Variants in APP observed in about 807,000 individuals in gnomAD.
The protein encoded by APP is amyloid-beta precursor protein.
In APP, 31 loss-of-function variants were observed where a neutral mutation model predicts 101.4. That is an observed-to-expected ratio of 0.31 (90% CI 0.23 to 0.41). APP has a LOEUF of 0.41. APP is among the 10% of genes least tolerant of loss of function. The pLI, the probability that APP is intolerant of heterozygous loss-of-function variation, is 1.00. For missense variants in APP, 839 were observed against 1,003.7 expected (o/e 0.84, Z 2.22); for synonymous variants, 366 against 364.4 (o/e 1.00, Z -0.05).
At chr21:26,089,819 A>C in intron 3 of APP, 124 bp downstream of exon 3, 1 of 1,453,818 alleles carries the variant, frequency 6.9e-7, no homozygotes, top group South Asian at 1.2e-5. Flanking sequence ...AAAACACAGT[A>C]CAACACAGAG....
intron 14 of APP, among the ~76,000 whole-genome samples, chr21:25,906,235 C>T (rs187336860): frequency 5.3e-5 from 8 of 152,272 alleles, no homozygotes; most frequent in Non-Finnish European, 1.2e-4. Context: ...AAAATATTTC[C>T]GGGAGCACTA....
chr21:25,989,675 T>C (rs1227325389), intron 8 of APP, among the ~76,000 whole-genome samples: 1 of 152,194 alleles, frequency 6.6e-6, no homozygotes, highest in Non-Finnish European at 1.5e-5. Context: ...TCTACAGCCT[T>C]GGTAACAGAA....
chr21:25,899,473 T>G (rs1157147465), intron 15 of APP, among the ~76,000 whole-genome samples: 1 of 152,156 alleles, frequency 6.6e-6, no homozygotes, highest in Admixed American at 6.6e-5. Context: ...AAAACTTCCT[T>G]AATCTCTTTC....
At chr21:26,073,776 G>A (rs2061451797) in intron 3 of APP, among the ~76,000 whole-genome samples, 1 of 152,220 alleles carries the variant, frequency 6.6e-6, no homozygotes, top group South Asian at 2.1e-4. Flanking sequence ...TGTGTGCACA[G>A]ATGCCCAGGA....
intron 1 of APP, among the ~76,000 whole-genome samples, chr21:26,154,056 C>A (rs951063444): frequency 3.3e-5 from 5 of 152,200 alleles, no homozygotes; most frequent in Admixed American, 1.3e-4. Flanking sequence ...AAGCTTTCCA[C>A]ATTTGCTTAC....
chr21:26,163,017 C>T lies in APP; in HGVS notation c.57+7547G>A, dbSNP rs2063525325. 2.0e-5 allele frequency among the ~76,000 whole-genome samples: 3 copies of T among 147,158 alleles called. No individual in the cohort carries two copies. The Admixed American group carries it at 2.0e-4, about 10-fold the overall frequency. On this transcript the variant is annotated intron_variant, in intron 1 of 17. Transcript: ENST00000346798. ...CCTAGGTGGGTGGATCACTTGAAGT[C>T]AGGAGTTCGAGACCACCCTGGCCAA...
intron 11 of APP, among the ~76,000 whole-genome samples, chr21:25,972,606 AGCTCAC>A (rs2146561058): frequency 1.3e-5 from 2 of 148,800 alleles, no homozygotes; most frequent in African/African-American, 5.0e-5. Flanking sequence ...ATGCAATCAC[AGCTCAC>A]TGCAGTCTCG....
At chr21:26,160,729 C>T (rs1242746452) in intron 1 of APP, among the ~76,000 whole-genome samples, 3 of 152,180 alleles carry the variant, frequency 2.0e-5, no homozygotes, top group East Asian at 3.9e-4. Flanking sequence ...AATTCCAATA[C>T]ACATTTTCTT....
chr21:25,990,068 C>T (rs909979510), intron 8 of APP, among the ~76,000 whole-genome samples: 4 of 152,094 alleles, frequency 2.6e-5, no homozygotes, highest in African/African-American at 9.7e-5. Context: ...TGTGATCCTC[C>T]AGTGTAATAC....
intron 8 of APP, among the ~76,000 whole-genome samples, chr21:25,984,186 T>C (rs897342814): frequency 1.3e-5 from 2 of 152,058 alleles, no homozygotes; most frequent in African/African-American, 4.8e-5. Flanking sequence ...TCTGATACTT[T>C]TATTCAAAGC....
intron 1 of APP, among the ~76,000 whole-genome samples, chr21:26,131,440 C>G (rs536974239): frequency 8.5e-5 from 13 of 152,234 alleles, no homozygotes; most frequent in African/African-American, 2.9e-4. Context: ...GAGCAATACA[C>G]TCAGTCAGTC....
chr21:26,155,974 C>A (rs990787086), intron 1 of APP, among the ~76,000 whole-genome samples: 10 of 146,972 alleles, frequency 6.8e-5, no homozygotes, highest in African/African-American at 2.6e-4. Context: ...GCACTCCAGC[C>A]TGGACAACAG....
At chr21:25,994,062 G>A (rs1362907154) in intron 8 of APP, among the ~76,000 whole-genome samples, 1 of 152,206 alleles carries the variant, frequency 6.6e-6, no homozygotes, top group Non-Finnish European at 1.5e-5. Context: ...GATGCTCTTT[G>A]AGAGATTAAA....
chr21:25,989,174 CAG>C lies in APP; in HGVS notation c.1091-6699_1091-6698del, dbSNP rs1237210844. On this transcript the variant is annotated intron_variant, in intron 8 of 17. Transcript: ENST00000346798. ...CATTTGAAGGGAAGTTACTTTAAAACAGGGGAAAACCTGCTAATATCTTCAGG... is the reference window on the plus strand; with the variant it reads ...CATTTGAAGGGAAGTTACTTTAAAACGGGAAAACCTGCTAATATCTTCAGG... 7.2e-5 allele frequency among the ~76,000 whole-genome samples: 11 copies of C among 152,284 alleles called. No individual in the cohort carries two copies. In the South Asian group the frequency reaches 2.3e-3, roughly 32 times the overall value.
intron 14 of APP, among the ~76,000 whole-genome samples, chr21:25,910,252 C>G (rs560649716): frequency 6.6e-6 from 1 of 152,054 alleles, no homozygotes; most frequent in Admixed American, 6.6e-5. Context: ...CTCAGCCTCC[C>G]GAGTAGCTGG....
At chr21:25,910,127 A>G (rs1308933471) in intron 14 of APP, among the ~76,000 whole-genome samples, 4 of 151,772 alleles carry the variant, frequency 2.6e-5, no homozygotes, top group Admixed American at 6.6e-5. Context: ...TTTTTACTTT[A>G]TTTATTTATT....
At chr21:25,976,317 T>C (rs1315340971) in intron 9 of APP, among the ~76,000 whole-genome samples, 1 of 152,020 alleles carries the variant, frequency 6.6e-6, no homozygotes, top group African/African-American at 2.4e-5. Context: ...TTTGATTTGA[T>C]GTGAACAAAT....
chr21:26,018,260 G>A (rs1037776493), intron 6 of APP, among the ~76,000 whole-genome samples: 2 of 152,172 alleles, frequency 1.3e-5, no homozygotes, highest in African/African-American at 2.4e-5. Context: ...TTCTTAGAAA[G>A]GATGGCTGTA....
intron 5 of APP, among the ~76,000 whole-genome samples, chr21:26,036,441 G>A (rs1055999419): frequency 3.9e-5 from 6 of 152,130 alleles, no homozygotes; most frequent in Admixed American, 3.9e-4. Flanking sequence ...GTGATTTATA[G>A]ATAAAAGTCC....
Sources: gnomAD v4.1 joint callset for allele counts (sites outside exome capture counted in the v4.1 genomes callset) on GRCh38, gnomAD v4.1.1 for gene constraint, MANE v1.5 for transcripts, NCBI Gene and HGNC (gene_info 2026-07-23, HGNC 2026-07-21) for gene names.